PARD3B: variants seen among roughly 807,000 people sequenced by gnomAD.
The protein encoded by PARD3B is partitioning defective 3 homolog B.
Under a neutral mutation model 130.2 loss-of-function variants are expected in PARD3B, and 103 were observed. The observed-to-expected ratio is 0.79, with a 90% CI of 0.67 to 0.93. The LOEUF (loss-of-function observed/expected upper bound fraction) is 0.93. PARD3B is among the 40% of genes least tolerant of loss of function. PARD3B has a pLI of 0.00. For synonymous variants in PARD3B, 583 were observed against 553.2 expected, an observed-to-expected ratio of 1.05 and a Z score of -0.76; for missense variants, 1,609 against 1,499.2, an observed-to-expected ratio of 1.07 and a Z score of -1.21.
At chr2:205,342,461 T>C (rs2043579406) in intron 18 of PARD3B, among the ~76,000 whole-genome samples, 2 of 152,204 alleles carry the variant, frequency 1.3e-5, no homozygotes, top group South Asian at 4.1e-4. Context: ...ATTTCATTTC[T>C]TTGTTTTAAA....
chr2:205,185,885 G>T (rs770528509), intron 14 of PARD3B, 22 bp downstream of exon 14: 1 of 1,571,352 alleles, frequency 6.4e-7, no homozygotes, highest in African/African-American at 1.4e-5. Flanking sequence ...ATGATGTATC[G>T]TAAATGCTCC....
At chr2:205,056,472 C>T (rs1280484556) in intron 4 of PARD3B, among the ~76,000 whole-genome samples, 4 of 151,906 alleles carry the variant, frequency 2.6e-5, no homozygotes, top group Non-Finnish European at 4.4e-5. Context: ...AGCCTGTCAC[C>T]ATACAGCTTT....
intron 2 of PARD3B, among the ~76,000 whole-genome samples, chr2:204,889,019 A>G (rs1331060042): frequency 6.6e-6 from 1 of 152,142 alleles, no homozygotes; most frequent in African/African-American, 2.4e-5. Context: ...ATAAGTAGAG[A>G]GATAAGTAGA....
At chr2:205,487,917 T>G (rs1156952579) in intron 20 of PARD3B, among the ~76,000 whole-genome samples, 3 of 152,248 alleles carry the variant, frequency 2.0e-5, no homozygotes, top group Non-Finnish European at 2.9e-5. Flanking sequence ...TTATCATTAA[T>G]TTGTTCAAGT....
intron 15 of PARD3B, among the ~76,000 whole-genome samples, chr2:205,196,256 AT>A (rs1325770870): frequency 6.6e-6 from 1 of 152,138 alleles, no homozygotes; most frequent in African/African-American, 2.4e-5. Context: ...ACATTCATTA[AT>A]CTTCATTTAC....
chr2:204,636,614 T>G (rs1978368), intron 1 of PARD3B, among the ~76,000 whole-genome samples: 133,273 of 151,974 alleles, frequency 0.88, 58,640 homozygotes, highest in Middle Eastern at 0.95. Context: ...GTGTTTCCTT[T>G]GTCCTGCCTT....
chr2:205,039,466 T>TTTTATTTA (rs1698242753), intron 3 of PARD3B, among the ~76,000 whole-genome samples: 1 of 151,238 alleles, frequency 6.6e-6, no homozygotes, highest in Non-Finnish European at 1.5e-5. Flanking sequence ...GTTTATTTTA[T>TTTTATTTA]TTTATTTATT....
intron 22 of PARD3B, among the ~76,000 whole-genome samples, chr2:205,556,684 A>G (rs746360807): frequency 6.6e-6 from 1 of 151,980 alleles, no homozygotes; most frequent in Non-Finnish European, 1.5e-5. Context: ...TTGTAATACA[A>G]CCTCGTTAGT....
intron 18 of PARD3B, among the ~76,000 whole-genome samples, chr2:205,350,848 G>C (rs1436366593): frequency 6.6e-6 from 1 of 151,998 alleles, no homozygotes; most frequent in Non-Finnish European, 1.5e-5. Context: ...TACCCATTTT[G>C]TTTGGTTTCC....
chr2:204,657,853 T>G (rs112207381), intron 1 of PARD3B, among the ~76,000 whole-genome samples: 4,166 of 152,316 alleles, frequency 0.027, 84 homozygotes, highest in Middle Eastern at 0.071. Context: ...CAAGTGAAAC[T>G]TGAGATTTTC....
intron 11 of PARD3B, among the ~76,000 whole-genome samples, chr2:205,170,310 C>A (rs1169322186): frequency 6.6e-6 from 1 of 152,054 alleles, no homozygotes; most frequent in African/African-American, 2.4e-5. Flanking sequence ...AGATTTCTTT[C>A]TTGTTTGGCC....
chr2:204,977,586 G>T (rs1414102660), intron 3 of PARD3B, among the ~76,000 whole-genome samples: 1 of 152,114 alleles, frequency 6.6e-6, no homozygotes, highest in Non-Finnish European at 1.5e-5. Context: ...TAGGCGGGTG[G>T]ATCACGAGGT....
rs752166338 is a variant in PARD3B at position 205,176,462 on chromosome 2, G to A, written c.1809G>A (p.Gly603=). The A allele has an allele frequency of 5.0e-6, 8 of 1,609,934 alleles. No individual in the cohort carries two copies. In the South Asian group the frequency reaches 5.5e-5, roughly 11 times the overall value. The change falls in exon 13 of 23, where the codon GGG becomes GGA. Residue 603 remains glycine (G), a synonymous_variant. Coordinates refer to ENST00000406610, the MANE Select transcript of PARD3B (RefSeq NM_001302769.2). This position sits in a 1 kb window ranked among gnomAD's most constrained non-coding sequence, Gnocchi z 5.3. ...TCTCTTAGGATCCTGCAGAGTGTGG[G>A]GCATTTTCCAAGCCATGCTTTGAGA... ...ERPMEDPAEC[G]AFSKPCFENC...
intron 2 of PARD3B, among the ~76,000 whole-genome samples, chr2:204,883,450 T>C (rs1332912183): frequency 0.012 from 1,350 of 112,054 alleles, 61 homozygotes; most frequent in African/African-American, 0.059. Flanking sequence ...TATATATATA[T>C]ATATATTTTT....
intron 2 of PARD3B, among the ~76,000 whole-genome samples, chr2:204,801,305 A>G (rs1307547245): frequency 6.6e-6 from 1 of 152,226 alleles, no homozygotes; most frequent in Non-Finnish European, 1.5e-5. Context: ...TACTTTGGGC[A>G]GTATGGCCAT....
At chr2:205,294,950 C>T (rs370696569) in intron 16 of PARD3B, among the ~76,000 whole-genome samples, 1 of 152,234 alleles carries the variant, frequency 6.6e-6, no homozygotes, top group African/African-American at 2.4e-5. Context: ...CCATTATGAA[C>T]ACAGTGAACA....
intron 1 of PARD3B, among the ~76,000 whole-genome samples, chr2:204,611,875 A>G (rs1312644398): frequency 6.6e-6 from 1 of 152,174 alleles, no homozygotes; most frequent in Non-Finnish European, 1.5e-5. Context: ...AGCTTGCAGG[A>G]TATCGCAAAA....
intron 10 of PARD3B, among the ~76,000 whole-genome samples, chr2:205,151,411 G>C (rs2033748426): frequency 2.0e-5 from 3 of 152,156 alleles, no homozygotes; most frequent in Admixed American, 1.3e-4. Flanking sequence ...CTCTTTGTAG[G>C]TCCCTAAGGA....
chr2:204,996,640 C>T (rs911595505), intron 3 of PARD3B, among the ~76,000 whole-genome samples: 2 of 150,326 alleles, frequency 1.3e-5, no homozygotes, highest in Non-Finnish European at 1.5e-5. Flanking sequence ...CTTTGTTTAC[C>T]TAAGCAAGCC....
Sources: gnomAD v4.1 joint callset for allele counts (sites outside exome capture counted in the v4.1 genomes callset) on GRCh38, gnomAD v4.1.1 for gene constraint, Gnocchi (gnomAD v3.1) non-coding constraint, MANE v1.5 for transcripts, NCBI Gene and HGNC (gene_info 2026-07-23, HGNC 2026-07-21) for gene names.